MALRD1: variants seen among roughly 807,000 people sequenced by gnomAD.
MALRD1 encodes MAM and LDL-receptor class A domain-containing protein 1.
A neutral mutation model predicts 242.1 loss-of-function variants in MALRD1; 247 were observed. The ratio of observed to expected loss-of-function variants is 1.02; its 90% CI spans 0.92 to 1.13. The LOEUF is 1.13. Ranked by LOEUF, MALRD1 falls within the 50% of genes most tolerant of loss-of-function variation. The pLI, the probability that MALRD1 is intolerant of heterozygous loss-of-function variation, is 0.00. For missense variants in MALRD1, 2,989 were observed against 2,533.1 expected, an observed-to-expected ratio of 1.18 and a Z score of -3.86; for synonymous variants, 995 against 866.6, an observed-to-expected ratio of 1.15 and a Z score of -2.60.
chr10:19,267,412 C>G (rs776968046), intron 19 of MALRD1, among the ~76,000 whole-genome samples: 1 of 152,058 alleles, frequency 6.6e-6, no homozygotes, highest in Non-Finnish European at 1.5e-5. Context: ...TGTCCTCCCC[C>G]ACCCCTCACA....
chr10:19,187,037 T>C (rs1280113201), intron 14 of MALRD1, among the ~76,000 whole-genome samples: 1 of 152,208 alleles, frequency 6.6e-6, no homozygotes, highest in Non-Finnish European at 1.5e-5. Context: ...CTTTGGGTTA[T>C]AGGTTTAGAG....
At chr10:19,457,399 G>C (rs1346385321) in intron 29 of MALRD1, among the ~76,000 whole-genome samples, 1 of 151,996 alleles carries the variant, frequency 6.6e-6, no homozygotes, top group Non-Finnish European at 1.5e-5. Flanking sequence ...TAGGCAGCAA[G>C]GGACAACAGA....
At chr10:19,057,350 G>A (rs1259813602) in intron 1 of MALRD1, among the ~76,000 whole-genome samples, 4 of 151,984 alleles carry the variant, frequency 2.6e-5, no homozygotes, top group East Asian at 3.9e-4. Flanking sequence ...GTCTGCAGAC[G>A]GCTGCCTTCT....
intron 7 of MALRD1, among the ~76,000 whole-genome samples, chr10:19,127,175 G>T (rs965156895): frequency 6.6e-6 from 1 of 152,142 alleles, no homozygotes; most frequent in African/African-American, 2.4e-5. Context: ...CATTTGGGTT[G>T]ATTCCATGTC....
At chr10:19,076,000 A>C (rs1161047505) in intron 2 of MALRD1, among the ~76,000 whole-genome samples, 4 of 152,020 alleles carry the variant, frequency 2.6e-5, no homozygotes, top group Non-Finnish European at 5.9e-5. Context: ...AGTCGTCTGG[A>C]GACCTGGATT....
chr10:19,438,212 T>C (rs1171808713), intron 28 of MALRD1, among the ~76,000 whole-genome samples: 1 of 152,140 alleles, frequency 6.6e-6, no homozygotes, highest in Non-Finnish European at 1.5e-5. Context: ...AGTGGAATCA[T>C]GGAGTATTTG....
chr10:19,263,490 TTG>T lies in MALRD1; in HGVS notation c.3079+5721_3079+5722del, dbSNP rs1491436399. 9.6e-3 allele frequency among the ~76,000 whole-genome samples: 1,456 copies of T among 151,582 alleles called. 26 individuals are homozygous for T. The highest frequency in any genetic ancestry group is 0.032 in the African/African-American group (1,311 of 41,188). ...GCCCCTCTTAAAATTGGATTATTTG[TTG>T]TTTTTTTTTGTTTTGTTTGTTTTTG... On this transcript the variant is annotated intron_variant, in intron 19 of 39. Transcript: ENST00000454679.
intron 36 of MALRD1, among the ~76,000 whole-genome samples, chr10:19,679,013 A>G (rs973289022): frequency 6.6e-6 from 1 of 152,190 alleles, no homozygotes; most frequent in Admixed American, 6.5e-5. Flanking sequence ...AGCCACCTTG[A>G]TCATGGTAGA....
chr10:19,624,959 C>T (rs1430955046), intron 36 of MALRD1, among the ~76,000 whole-genome samples: 3 of 150,876 alleles, frequency 2.0e-5, no homozygotes, highest in East Asian at 3.9e-4. Flanking sequence ...CCTAGCACTT[C>T]AGAGGCAGAA....
chr10:19,725,256 T>G lies in MALRD1; in HGVS notation c.6315-5450T>G, dbSNP rs538108536. On this transcript the variant is annotated intron_variant, in intron 38 of 39. Transcript: ENST00000454679. ...GGGAGGGACCTAGTGGGAGGTAATC[T>G]AAGCATGGGGGTGGTTACCCTCATG... Among the ~76,000 whole-genome samples the G allele has an allele frequency of 1.2e-4, 18 of 152,270 alleles. No homozygotes were observed. In the South Asian group the frequency reaches 3.5e-3, roughly 30 times the overall value.
At position 19,663,225 on chromosome 10, in the gene MALRD1, GCCCATGTGTACAAATTATTTAGCT is replaced by G. The variant is rs1191813816; in HGVS notation, c.6138-29052_6138-29029del. ...CAGTGCCTATTATTCCAGTCTCTAT[GCCCATGTGTACAAATTATTTAGCT>G]CCCACTTATAAGTGAGATCATGTGG... On this transcript the variant is annotated intron_variant, in intron 36 of 39. Transcript: ENST00000454679. Among the ~76,000 whole-genome samples, 3 of 151,908 alleles carry G rather than the reference GCCCATGTGTACAAATTATTTAGCT, an allele frequency of 2.0e-5. No homozygotes were observed. In the East Asian group the frequency reaches 5.8e-4, roughly 29 times the overall value.
At chr10:19,726,539 G>A (rs1002933348) in intron 38 of MALRD1, among the ~76,000 whole-genome samples, 1 of 152,108 alleles carries the variant, frequency 6.6e-6, no homozygotes, top group African/African-American at 2.4e-5. Flanking sequence ...AAACAGTTTG[G>A]CAGTTCCTCA....
At chr10:19,662,740 A>G (rs1251143832) in intron 36 of MALRD1, among the ~76,000 whole-genome samples, 1 of 152,184 alleles carries the variant, frequency 6.6e-6, no homozygotes. Flanking sequence ...ATTATGATTC[A>G]TCAGGGTGAC....
At chr10:19,259,409 C>G (rs1297904183) in intron 19 of MALRD1, among the ~76,000 whole-genome samples, 5 of 152,134 alleles carry the variant, frequency 3.3e-5, no homozygotes, top group African/African-American at 7.2e-5. Context: ...AACTGACTCA[C>G]AGTTCTACAT....
At chr10:19,238,211 A>T (rs1489640882) in intron 18 of MALRD1, among the ~76,000 whole-genome samples, 1 of 59,878 alleles carries the variant, frequency 1.7e-5, no homozygotes, top group East Asian at 4.7e-4. Flanking sequence ...TATTATATAT[A>T]TGTAATATAC....
intron 5 of MALRD1, among the ~76,000 whole-genome samples, chr10:19,113,826 CACACAG>C (rs1371165087): frequency 1.6e-4 from 23 of 146,288 alleles, no homozygotes; most frequent in Non-Finnish European, 2.5e-4. Context: ...CACACACACA[CACACAG>C]ACACACACAC....
At position 19,209,385 on chromosome 10, in the gene MALRD1, TG is replaced by T; in HGVS notation, c.2697del (p.Met899IlefsTer16). ...ACTCCAACACTTAACACAGGGCCAA[TG>T]AAAGATAACACTCTGGGCACAGCTA... Reference protein sequence around the residue: ...GPTPTLNTGPMKDNTLGTAKG... With the variant: ...GPTPTLNTGPXKDNTLGTAKG... On this transcript the variant is annotated frameshift_variant, in exon 18 of 40. Coordinates refer to ENST00000454679, the MANE Select transcript of MALRD1 (RefSeq NM_001142308.3). LOFTEE classifies it high-confidence loss of function. The T allele has an allele frequency of 6.4e-7, 1 of 1,551,022 alleles. No individual in the cohort carries two copies. Among genetic ancestry groups the T allele is most frequent in the East Asian group, 2.4e-5 (1 of 40,914 alleles).
intron 34 of MALRD1, among the ~76,000 whole-genome samples, chr10:19,606,484 C>T (rs1451967288): frequency 6.6e-6 from 1 of 152,130 alleles, no homozygotes; most frequent in Non-Finnish European, 1.5e-5. Flanking sequence ...TTCTGCTGAA[C>T]CCTGGTACTC....
At chr10:19,050,254 A>AT (rs1278018708) in intron 1 of MALRD1, among the ~76,000 whole-genome samples, 1 of 149,746 alleles carries the variant, frequency 6.7e-6, no homozygotes, top group Non-Finnish European at 1.5e-5. Flanking sequence ...CGCCCGGCTA[A>AT]TTTTTTGTAT....
Sources: allele counts gnomAD v4.1 joint callset (sites outside exome capture counted in the v4.1 genomes callset), GRCh38; gene constraint gnomAD v4.1.1; transcripts MANE v1.5; gene names NCBI Gene and HGNC (gene_info 2026-07-23, HGNC 2026-07-21).